Variants in OSTC observed in about 807,000 individuals in gnomAD.
OSTC encodes oligosaccharyltransferase complex subunit OSTC.
A neutral mutation model predicts 16.4 loss-of-function variants in OSTC; 16 were observed. The ratio of observed to expected loss-of-function variants is 0.98; its 90% CI spans 0.66 to 1.49. The LOEUF is 1.49. Among genes scored for constraint, OSTC ranks in the 40% most tolerant of loss-of-function variants. The probability of loss-of-function intolerance (pLI) is 0.00; values close to 1 mark genes in which losing one functional copy is unlikely to be tolerated. For missense variants in OSTC, 139 were observed against 186.3 expected, an observed-to-expected ratio of 0.75 and a Z score of 1.48; for synonymous variants, 67 against 68.5, an observed-to-expected ratio of 0.98 and a Z score of 0.11.
At chr4:108,658,095 C>A (rs973074044) in intron 3 of OSTC, among the ~76,000 whole-genome samples, 38 of 151,948 alleles carry the variant, frequency 2.5e-4, no homozygotes, top group African/African-American at 8.2e-4. Context: ...CAGCACTCAG[C>A]TATTTTTTGT....
Position 108,655,558 on chromosome 4 carries a change from T to G in OSTC, c.140-6T>G. 6.5e-7 allele frequency: 1 copy of G among 1,548,162 alleles called. No homozygotes were observed. The highest frequency in any genetic ancestry group is 8.9e-7 in the Non-Finnish European group (1 of 1,122,648). On this transcript the variant is annotated splice_region_variant and splice_polypyrimidine_tract_variant and intron_variant, in intron 1 of 3. Transcript: ENST00000361564. ...AATCTAATCTGTTCTGTTGTCTTTC[T>G]TATAGGAATAATTTATGATGTTATT... is the stretch of plus-strand genomic sequence containing the variant.
chr4:108,652,268 G>A (rs552737266), intron 1 of OSTC: 4 of 152,176 alleles, frequency 2.6e-5, no homozygotes, highest in African/African-American at 9.6e-5. Flanking sequence ...CACAGTTCAC[G>A]AAGGTCGTTG....
chr4:108,658,302 A>G (rs1398340720), intron 3 of OSTC, among the ~76,000 whole-genome samples: 1 of 152,146 alleles, frequency 6.6e-6, no homozygotes, highest in Admixed American at 6.5e-5. Context: ...ATGGTAGGGA[A>G]TAGCTTCAGA....
chr4:108,656,358 T>C (rs1394789111), intron 2 of OSTC, among the ~76,000 whole-genome samples: 1 of 152,098 alleles, frequency 6.6e-6, no homozygotes, highest in Admixed American at 6.6e-5. Context: ...GGGGAGTTAA[T>C]GACAGGTTGA....
chr4:108,652,308 A>G (rs565198117), intron 1 of OSTC: 18 of 152,290 alleles, frequency 1.2e-4, no homozygotes, highest in African/African-American at 4.1e-4. Flanking sequence ...TTCAATAATA[A>G]TAATGAATAA....
At chr4:108,657,406 A>G in intron 2 of OSTC, 44 bp from the exon 3 acceptor site, 1 of 1,519,348 alleles carries the variant, frequency 6.6e-7, no homozygotes, top group Non-Finnish European at 9.0e-7. Context: ...TAAGGGAAAC[A>G]TTTCTATTTG....
Position 108,667,345 on chromosome 4 carries a change from A to G in OSTC, c.*80A>G. On this transcript the variant is annotated 3_prime_UTR_variant, in exon 4 of 4. Coordinates refer to ENST00000361564, the MANE Select transcript of OSTC (RefSeq NM_021227.4). Reference sequence around the variant, plus strand: ...TTAAAGGCTGTACCAATCCTCTAATATGAAATGTGGAAAAGAATGAAGAGC... The same window carrying G: ...TTAAAGGCTGTACCAATCCTCTAATGTGAAATGTGGAAAAGAATGAAGAGC... 8.6e-7 allele frequency: 1 copy of G among 1,165,092 alleles called. No individual in the cohort carries two copies. Among genetic ancestry groups the G allele is most frequent in the Non-Finnish European group, 1.2e-6 (1 of 808,074 alleles). 72.2% of individuals were successfully genotyped at this position (1,165,092 alleles called of 1,614,324 possible). A position where few individuals can be genotyped will look rare whatever the true frequency, so the allele number is the denominator to read the frequency against.
At chr4:108,658,645 C>A (rs544673674) in intron 3 of OSTC, among the ~76,000 whole-genome samples, 46 of 152,198 alleles carry the variant, frequency 3.0e-4, no homozygotes, top group Middle Eastern at 3.4e-3. Context: ...ACAGTAACGA[C>A]AGGAAATTTG....
intron 3 of OSTC, chr4:108,663,106 T>C: frequency 2.4e-6 from 1 of 425,306 alleles, no homozygotes; most frequent in Non-Finnish European, 4.7e-6. Flanking sequence ...AATGTAAGTG[T>C]TAATCAATGT....
rs1177761453 is a variant in OSTC at position 108,655,520 on chromosome 4, A to C, written c.140-44A>C. Reference sequence around the variant, plus strand: ...ATGAAAACTATAATCCTGTTTTCAAAAATTAGTAATACAATCTAATCTGTT... The same window carrying C: ...ATGAAAACTATAATCCTGTTTTCAACAATTAGTAATACAATCTAATCTGTT... On this transcript the variant is annotated intron_variant, in intron 1 of 3. Transcript: ENST00000361564. 4 of 1,262,914 alleles carry C rather than the reference A, an allele frequency of 3.2e-6. No homozygotes were observed. The East Asian group carries it at 9.7e-5, about 31-fold the overall frequency. The allele number at this position is 1,262,914 out of a possible 1,614,324, so 78.2% of individuals were successfully genotyped here.
intron 3 of OSTC, among the ~76,000 whole-genome samples, chr4:108,658,543 A>G (rs1322537146): frequency 6.6e-6 from 1 of 152,156 alleles, no homozygotes; most frequent in Non-Finnish European, 1.5e-5. Context: ...GGCATCTTTC[A>G]TAATTCTGTT....
chr4:108,657,388 T>C (rs1726737602), intron 2 of OSTC, 62 bp from the exon 3 acceptor site: 12 of 1,457,914 alleles, frequency 8.2e-6, no homozygotes. Context: ...GAAATAGGAA[T>C]TTCAATTTAA....
intron 1 of OSTC, 119 bp downstream of exon 1, chr4:108,650,913 T>C (rs1379167006): frequency 4.1e-6 from 6 of 1,452,744 alleles, no homozygotes; most frequent in Admixed American, 2.2e-5. Context: ...TTGGATCTTT[T>C]CTGAGGGTGG....
At chr4:108,664,153 T>C (rs1229888841) in intron 3 of OSTC, among the ~76,000 whole-genome samples, 1 of 149,320 alleles carries the variant, frequency 6.7e-6, no homozygotes, top group Non-Finnish European at 1.5e-5. Context: ...ATCTCCCAAA[T>C]TGTCCTTAAG....
At chr4:108,664,279 C>T (rs1234084958) in intron 3 of OSTC, among the ~76,000 whole-genome samples, 1 of 152,006 alleles carries the variant, frequency 6.6e-6, no homozygotes, top group East Asian at 1.9e-4. Flanking sequence ...GGAAGGATAC[C>T]ATAATATATA....
chr4:108,655,687 G>T (rs2851380), intron 2 of OSTC, 30 bp downstream of exon 2: 1,214,985 of 1,508,742 alleles, frequency 0.81, 492,210 homozygotes, highest in East Asian at 1. Flanking sequence ...ATGATTTGGT[G>T]GTGGGAAAGA....
At position 108,657,438 on chromosome 4, in the gene OSTC, T is replaced by C; in HGVS notation, c.234-12T>C. ...TTTGTTATCTTTCTATGGTCATTCT[T>C]TTCTTTTCCAGAGTAAATGGACAAT... On this transcript the variant is annotated splice_polypyrimidine_tract_variant and intron_variant, in intron 2 of 3. Transcript: ENST00000361564. 6.3e-7 allele frequency: 1 copy of C among 1,595,700 alleles called. No individual in the cohort carries two copies. The highest frequency in any genetic ancestry group is 8.6e-7 in the Non-Finnish European group (1 of 1,165,956).
At chr4:108,657,354 C>G in intron 2 of OSTC, 96 bp from the exon 3 acceptor site, 1 of 1,083,218 alleles carries the variant, frequency 9.2e-7, no homozygotes, top group African/African-American at 1.6e-5. Context: ...AAATATAGCA[C>G]AAAAATGTTT....
intron 3 of OSTC, among the ~76,000 whole-genome samples, chr4:108,661,981 A>G (rs949021883): frequency 5.3e-5 from 8 of 152,226 alleles, no homozygotes; most frequent in Non-Finnish European, 8.8e-5. Context: ...GAGGTGTTCA[A>G]TTGGAGATGG....
Sources: allele counts gnomAD v4.1 joint callset (sites outside exome capture counted in the v4.1 genomes callset), GRCh38; gene constraint gnomAD v4.1.1; transcripts MANE v1.5; gene names NCBI Gene and HGNC (gene_info 2026-07-23, HGNC 2026-07-21).